Variants in ERI1 observed in about 807,000 individuals in gnomAD.
The protein encoded by ERI1 is 3'-5' exoribonuclease 1.
ERI1 carries 39 observed loss-of-function variants against 39.7 expected under a neutral mutation model. The observed-to-expected ratio is 0.98, with a 90% CI of 0.76 to 1.28. The LOEUF is 1.28. Among genes scored for constraint, ERI1 ranks in the 50% most tolerant of loss-of-function variants. ERI1 has a pLI of 0.00. For missense variants in ERI1, 581 were observed against 416.9 expected, an observed-to-expected ratio of 1.39 and a Z score of -3.43; for synonymous variants, 204 against 149.6, an observed-to-expected ratio of 1.36 and a Z score of -2.65.
chr8:9,091,841 T>G (rs1028802828), intron 3 of ERI1, among the ~76,000 whole-genome samples: 1 of 152,270 alleles, frequency 6.6e-6, no homozygotes, highest in Admixed American at 6.5e-5. Context: ...TCCATCCACA[T>G]ATTTTAAAGA....
At chr8:9,028,266 C>T (rs151102119) in intron 6 of ERI1, among the ~76,000 whole-genome samples, 56 of 152,188 alleles carry the variant, frequency 3.7e-4, no homozygotes, top group Middle Eastern at 3.4e-3. Context: ...AGGTCTATTC[C>T]GATTTTCTGT....
chr8:9,059,668 T>A (rs1798627505), intron 3 of ERI1, among the ~76,000 whole-genome samples: 1 of 151,944 alleles, frequency 6.6e-6, no homozygotes, highest in Non-Finnish European at 1.5e-5. Flanking sequence ...ACCTAGAGAG[T>A]GCCTAAGGAG....
At chr8:9,071,646 G>A (rs1799054744) in intron 3 of ERI1, among the ~76,000 whole-genome samples, 1 of 152,214 alleles carries the variant, frequency 6.6e-6, no homozygotes, top group Admixed American at 6.5e-5. Flanking sequence ...AACGGGAGAA[G>A]TCCTCCCCTG....
intron 3 of ERI1, among the ~76,000 whole-genome samples, chr8:9,014,657 C>T (rs906429426): frequency 1.3e-5 from 2 of 151,880 alleles, no homozygotes; most frequent in African/African-American, 2.4e-5. Flanking sequence ...TTAGTACTAC[C>T]GAATTATAAT....
intron 3 of ERI1, among the ~76,000 whole-genome samples, chr8:9,049,363 A>AG (rs1274859355): frequency 2.4e-4 from 34 of 140,830 alleles, no homozygotes; most frequent in African/African-American, 7.9e-4. Flanking sequence ...AAAAAAAAAA[A>AG]AAGAGCAACA....
chr8:9,095,090 T>C (rs1585305978), intron 3 of ERI1, among the ~76,000 whole-genome samples: 1 of 152,152 alleles, frequency 6.6e-6, no homozygotes, highest in African/African-American at 2.4e-5. Flanking sequence ...AAGATGAGGA[T>C]TGTATAACCT....
rs569603465 is a variant in ERI1, at chr8:9,044,132, G to T, written n.299+23668G>T. Among the ~76,000 whole-genome samples the T allele has an allele frequency of 5.9e-5, 9 of 152,256 alleles. No individual in the cohort carries two copies. The South Asian group carries it at 1.9e-3, about 32-fold the overall frequency. On this transcript the variant is annotated intron_variant and non_coding_transcript_variant, in intron 3 of 3. Transcript: ENST00000518663. Reference sequence around the variant, plus strand: ...GTCGGAGTTAAATAGGATATCATCTGAATTATGGGTAGTGAATTACAGCTG... The same window carrying T: ...GTCGGAGTTAAATAGGATATCATCTTAATTATGGGTAGTGAATTACAGCTG...
chr8:9,022,846 C>G (rs1434519877), intron 6 of ERI1, among the ~76,000 whole-genome samples: 1 of 152,152 alleles, frequency 6.6e-6, no homozygotes, highest in African/African-American at 2.4e-5. Flanking sequence ...AGTCATGTTT[C>G]ATGTGTATCC....
chr8:9,019,506 TG>T (rs1295034767), intron 5 of ERI1, among the ~76,000 whole-genome samples: 2 of 152,218 alleles, frequency 1.3e-5, no homozygotes, highest in African/African-American at 4.8e-5. Context: ...AGTCTCATTT[TG>T]TGGGACAGAT....
intron 3 of ERI1, among the ~76,000 whole-genome samples, chr8:9,097,666 CAAA>C (rs11380594): frequency 2.6e-4 from 25 of 96,724 alleles, no homozygotes; most frequent in East Asian, 2.4e-3. Context: ...GACACTCTGT[CAAA>C]AAAAAAAAAA....
At chr8:9,009,233 C>A (rs745903834) in intron 2 of ERI1, 24 of 345,776 alleles carry the variant, frequency 6.9e-5, no homozygotes, top group Non-Finnish European at 1.1e-4. Context: ...ATGTTCCCCA[C>A]TTTGGCAATC....
At chr8:9,095,221 C>G (rs1454599387) in intron 3 of ERI1, among the ~76,000 whole-genome samples, 1 of 152,116 alleles carries the variant, frequency 6.6e-6, no homozygotes, top group Non-Finnish European at 1.5e-5. Context: ...TCAGGGAGTA[C>G]ATGTGCAGGT....
chr8:9,099,689 C>G (rs1799990693), intron 3 of ERI1, among the ~76,000 whole-genome samples: 1 of 151,648 alleles, frequency 6.6e-6, no homozygotes. Flanking sequence ...GGCTTTTGTT[C>G]TCTTTACCAC....
chr8:9,073,093 C>T (rs908002118), intron 3 of ERI1, among the ~76,000 whole-genome samples: 2 of 152,174 alleles, frequency 1.3e-5, no homozygotes, highest in African/African-American at 4.8e-5. Flanking sequence ...ATGCATAATC[C>T]TTCATCTGGC....
At chr8:9,037,844 A>G (rs367742186), downstream of ERI1, among the ~76,000 whole-genome samples, 41 of 151,390 alleles carry the variant, frequency 2.7e-4, no homozygotes, top group East Asian at 4.1e-3. Context: ...AAAGCAAACA[A>G]ATGTTAAGCT....
intron 3 of ERI1, among the ~76,000 whole-genome samples, chr8:9,074,646 C>G (rs1269984505): frequency 6.6e-6 from 1 of 152,124 alleles, no homozygotes; most frequent in Non-Finnish European, 1.5e-5. Context: ...GTTGCCCAGG[C>G]TGGTCTCAAA....
intron 1 of ERI1, among the ~76,000 whole-genome samples, chr8:9,004,467 A>G (rs1815741360): frequency 7.0e-6 from 1 of 142,382 alleles, no homozygotes; most frequent in South Asian, 2.2e-4. Flanking sequence ...TTACTGTTGC[A>G]TGCTCTTTAT....
chr8:9,028,262 A>G (rs1797326681), intron 6 of ERI1, among the ~76,000 whole-genome samples: 1 of 152,178 alleles, frequency 6.6e-6, no homozygotes, highest in South Asian at 2.1e-4. Flanking sequence ...GTATAGGTCT[A>G]TTCCGATTTT....
At chr8:9,062,198 G>C (rs1415600142) in intron 3 of ERI1, among the ~76,000 whole-genome samples, 1 of 152,068 alleles carries the variant, frequency 6.6e-6, no homozygotes, top group African/African-American at 2.4e-5. Flanking sequence ...GCATTGAGTG[G>C]GTAAGGGTGA....
Sources: allele counts gnomAD v4.1 joint callset (sites outside exome capture counted in the v4.1 genomes callset), GRCh38; gene constraint gnomAD v4.1.1; transcripts MANE v1.5; gene names NCBI Gene and HGNC (gene_info 2026-07-23, HGNC 2026-07-21).